Variants in NRXN1 observed in about 807,000 individuals in gnomAD.
NRXN1 encodes the protein neurexin-1.
Under a neutral mutation model 150.9 loss-of-function variants are expected in NRXN1, and 39 were observed. That is an observed-to-expected ratio of 0.26 (90% CI 0.20 to 0.34). The LOEUF (loss-of-function observed/expected upper bound fraction) is 0.34. Ranked by LOEUF, NRXN1 falls within the 10% of genes least tolerant of loss-of-function variation. The pLI, the probability that NRXN1 is intolerant of heterozygous loss-of-function variation, is 1.00. For synonymous variants in NRXN1, 924 were observed against 757.0 expected (o/e 1.22, Z -3.62); for missense variants, 1,815 against 1,949.9 (o/e 0.93, Z 1.30).
chr2:50,037,108 C>G (rs1352866381), intron 21 of NRXN1, among the ~76,000 whole-genome samples: 2 of 151,862 alleles, frequency 1.3e-5, no homozygotes, highest in Admixed American at 6.6e-5. Flanking sequence ...GTATTTTAAT[C>G]CAGCTTAAAC....
intron 21 of NRXN1, among the ~76,000 whole-genome samples, chr2:49,969,027 T>C (rs1677464230): frequency 6.6e-6 from 1 of 152,088 alleles, no homozygotes; most frequent in Non-Finnish European, 1.5e-5. Context: ...TAATTACTTA[T>C]ATATTTTAAT....
At chr2:50,567,578 A>T (rs1396080724) in intron 8 of NRXN1, among the ~76,000 whole-genome samples, 1 of 115,024 alleles carries the variant, frequency 8.7e-6, no homozygotes, top group Non-Finnish European at 1.7e-5. Context: ...AAAGATATAG[A>T]ATCTGATTTT....
chr2:50,832,615 C>T (rs10205754), intron 5 of NRXN1, among the ~76,000 whole-genome samples: 16,661 of 152,152 alleles, frequency 0.11, 1,165 homozygotes, highest in East Asian at 0.22. Flanking sequence ...TGTCGCACCA[C>T]TGCACTCCAA....
chr2:50,957,212 G>C (rs769118452), intron 2 of NRXN1, among the ~76,000 whole-genome samples: 3 of 152,070 alleles, frequency 2.0e-5, no homozygotes, highest in African/African-American at 4.8e-5. Flanking sequence ...GATGATGCAA[G>C]CAGACATCAA....
intron 2 of NRXN1, among the ~76,000 whole-genome samples, chr2:50,954,673 A>T (rs17041131): frequency 0.02 from 2,976 of 152,312 alleles, 98 homozygotes; most frequent in African/African-American, 0.069. Flanking sequence ...ATAACCTTGG[A>T]CAAAAGAGGT....
intron 17 of NRXN1, among the ~76,000 whole-genome samples, chr2:50,410,648 C>T (rs1163476713): frequency 6.6e-6 from 1 of 152,126 alleles, no homozygotes. Context: ...TTTGCTAACA[C>T]TCCCATGCTA....
At chr2:50,887,778 C>T (rs1393189366) in intron 5 of NRXN1, among the ~76,000 whole-genome samples, 2 of 151,314 alleles carry the variant, frequency 1.3e-5, no homozygotes, top group Admixed American at 6.6e-5. Flanking sequence ...GAAACTTAGT[C>T]ACCAATATGA....
At chr2:50,936,864 G>C (rs1168583817) in intron 2 of NRXN1, among the ~76,000 whole-genome samples, 2 of 151,982 alleles carry the variant, frequency 1.3e-5, no homozygotes, top group African/African-American at 4.8e-5. Flanking sequence ...TGGGTAGTGT[G>C]ATAATTTTTA....
intron 12 of NRXN1, among the ~76,000 whole-genome samples, chr2:50,519,936 A>T (rs2092739393): frequency 6.6e-6 from 1 of 151,978 alleles, no homozygotes; most frequent in Non-Finnish European, 1.5e-5. Context: ...ACAATAGATT[A>T]CATTTAAAAA....
At chr2:50,221,236 A>G (rs2063863169) in intron 18 of NRXN1, among the ~76,000 whole-genome samples, 1 of 152,036 alleles carries the variant, frequency 6.6e-6, no homozygotes, top group African/African-American at 2.4e-5. Flanking sequence ...AACAAATCAA[A>G]ACACACTGAA....
intron 5 of NRXN1, among the ~76,000 whole-genome samples, chr2:50,768,915 A>AACACAC (rs573497722): frequency 1.3e-5 from 2 of 149,126 alleles, no homozygotes; most frequent in African/African-American, 4.9e-5. Context: ...CAACAACAAC[A>AACACAC]ACACACACAC....
intron 17 of NRXN1, among the ~76,000 whole-genome samples, chr2:50,462,656 T>A (rs1268188964): frequency 1.3e-5 from 2 of 151,782 alleles, no homozygotes; most frequent in Non-Finnish European, 2.9e-5. Context: ...ATGGCAATTT[T>A]CCGGGGAAGA....
intron 17 of NRXN1, among the ~76,000 whole-genome samples, chr2:50,302,973 G>A (rs1288394559): frequency 1.3e-5 from 2 of 151,858 alleles, no homozygotes; most frequent in Non-Finnish European, 2.9e-5. Flanking sequence ...ATCCATCAAC[G>A]CATACATAGA....
At chr2:49,967,468 A>G (rs1677156731) in intron 21 of NRXN1, among the ~76,000 whole-genome samples, 1 of 152,076 alleles carries the variant, frequency 6.6e-6, no homozygotes, top group South Asian at 2.1e-4. Flanking sequence ...CAAGCAACCT[A>G]CAAATTCCTC....
chr2:50,372,220 C>T (rs1287331564), intron 17 of NRXN1, among the ~76,000 whole-genome samples: 1 of 151,950 alleles, frequency 6.6e-6, no homozygotes, highest in Non-Finnish European at 1.5e-5. Context: ...ATCCATATAA[C>T]AAAAAACTTA....
At chr2:50,572,512 G>T (rs1488657741) in intron 8 of NRXN1, among the ~76,000 whole-genome samples, 1 of 152,062 alleles carries the variant, frequency 6.6e-6, no homozygotes, top group Non-Finnish European at 1.5e-5. Flanking sequence ...AGCCATCACT[G>T]ATTATTTCCA....
intron 17 of NRXN1, among the ~76,000 whole-genome samples, chr2:50,431,327 G>A (rs1414924855): frequency 6.6e-6 from 1 of 152,022 alleles, no homozygotes; most frequent in Non-Finnish European, 1.5e-5. Flanking sequence ...TTTGACCAGT[G>A]ACCTGACAAT....
At chr2:50,482,067 C>A (rs1381629357) in intron 15 of NRXN1, among the ~76,000 whole-genome samples, 1 of 142,030 alleles carries the variant, frequency 7.0e-6, no homozygotes. Flanking sequence ...CGCGCCCGGC[C>A]GAACTTTTGT....
chr2:50,632,034 T>G (rs1286364225), intron 5 of NRXN1, among the ~76,000 whole-genome samples: 1 of 151,988 alleles, frequency 6.6e-6, no homozygotes, highest in Non-Finnish European at 1.5e-5. Flanking sequence ...AATAAGTAAA[T>G]TATAATAATG....
Sources: allele counts gnomAD v4.1 joint callset (sites outside exome capture counted in the v4.1 genomes callset), GRCh38; gene constraint gnomAD v4.1.1; transcripts MANE v1.5; gene names NCBI Gene and HGNC (gene_info 2026-07-23, HGNC 2026-07-21).